The following TNIK variants were observed in gnomAD, a reference collection of about 807,000 sequenced individuals.
TNIK encodes TRAF2 and NCK-interacting protein kinase.
A neutral mutation model predicts 191.3 loss-of-function variants in TNIK; 49 were observed. That is an observed-to-expected ratio of 0.26 (90% CI 0.20 to 0.32). The LOEUF is 0.32. TNIK is among the 10% of genes least tolerant of loss of function. The pLI, the probability that TNIK is intolerant of heterozygous loss-of-function variation, is 1.00. For synonymous variants in TNIK, 594 were observed against 600.9 expected (o/e 0.99, Z 0.17); for missense variants, 1,155 against 1,702.3 (o/e 0.68, Z 5.66).
At chr3:171,190,550 A>T (rs567843607) in intron 6 of TNIK, 147 bp downstream of exon 6, 96 of 605,066 alleles carry the variant, frequency 1.6e-4, no homozygotes, top group African/African-American at 1.5e-3. Context: ...AATATTTTTT[A>T]AAATAGGCAA....
intron 1 of TNIK, among the ~76,000 whole-genome samples, chr3:171,403,787 T>C (rs909502406): frequency 6.6e-6 from 1 of 152,196 alleles, no homozygotes; most frequent in African/African-American, 2.4e-5. Context: ...AAGTACACTT[T>C]CTATGTTGTT....
intron 2 of TNIK, among the ~76,000 whole-genome samples, chr3:171,271,922 C>G (rs562690603): frequency 6.6e-6 from 1 of 152,128 alleles, no homozygotes; most frequent in African/African-American, 2.4e-5. Flanking sequence ...TGCCTGAACC[C>G]CTTAAAGAAT....
At chr3:171,077,721 G>A (rs1233266159) in intron 28 of TNIK, among the ~76,000 whole-genome samples, 2 of 151,956 alleles carry the variant, frequency 1.3e-5, no homozygotes, top group Admixed American at 1.3e-4. Flanking sequence ...TGAAAATCTT[G>A]AGACTTTTCA....
At chr3:171,101,692 T>C in intron 21 of TNIK, 59 bp from the exon 22 acceptor site, 1 of 1,540,134 alleles carries the variant, frequency 6.5e-7, no homozygotes, top group Middle Eastern at 2.0e-4. Flanking sequence ...GCTACATCTC[T>C]CAGCAAGTCA....
chr3:171,186,464 A>G (rs1737380314), intron 7 of TNIK, among the ~76,000 whole-genome samples: 1 of 152,234 alleles, frequency 6.6e-6, no homozygotes, highest in Non-Finnish European at 1.5e-5. Flanking sequence ...AAATAATTCA[A>G]TATTATAAAG....
intron 2 of TNIK, among the ~76,000 whole-genome samples, chr3:171,279,365 A>G (rs1750163340): frequency 6.6e-6 from 1 of 152,194 alleles, no homozygotes; most frequent in African/African-American, 2.4e-5. Context: ...TCTTCATTTA[A>G]CATCCTTGTA....
intron 2 of TNIK, among the ~76,000 whole-genome samples, chr3:171,271,254 G>A (rs1034401616): frequency 2.0e-5 from 3 of 152,114 alleles, no homozygotes; most frequent in African/African-American, 7.2e-5. Flanking sequence ...TTGCACTTCT[G>A]CATTATTCTT....
intron 1 of TNIK, among the ~76,000 whole-genome samples, chr3:171,409,175 A>G (rs1003463634): frequency 2.0e-5 from 3 of 152,232 alleles, no homozygotes; most frequent in African/African-American, 7.2e-5. Flanking sequence ...GACAAATATT[A>G]GCAACAAGCA....
At chr3:171,283,467 C>A (rs186517534) in intron 2 of TNIK, among the ~76,000 whole-genome samples, 1 of 152,290 alleles carries the variant, frequency 6.6e-6, no homozygotes, top group Admixed American at 6.5e-5. Context: ...GGTGCTAAAG[C>A]TTCCAAATAA....
At chr3:171,191,187 T>G (rs1350286021) in intron 5 of TNIK, among the ~76,000 whole-genome samples, 1 of 152,240 alleles carries the variant, frequency 6.6e-6, no homozygotes, top group African/African-American at 2.4e-5. Context: ...CTGATTTAAC[T>G]GAATCCCTGC....
chr3:171,185,142 T>A (rs530358888), intron 7 of TNIK, among the ~76,000 whole-genome samples: 1 of 151,780 alleles, frequency 6.6e-6, no homozygotes, highest in Non-Finnish European at 1.5e-5. Context: ...CAAAAGTAAA[T>A]ACTATTAAGT....
At chr3:171,227,451 T>C (rs1228854995) in intron 3 of TNIK, among the ~76,000 whole-genome samples, 1 of 152,162 alleles carries the variant, frequency 6.6e-6, no homozygotes, top group Non-Finnish European at 1.5e-5. Flanking sequence ...GGAAAACAGT[T>C]AAGACTCATT....
intron 3 of TNIK, among the ~76,000 whole-genome samples, chr3:171,224,071 T>A (rs565225780): frequency 1.3e-5 from 2 of 152,188 alleles, no homozygotes; most frequent in Non-Finnish European, 2.9e-5. Flanking sequence ...ACCACTGATA[T>A]TCAGACTGGC....
At chr3:171,295,620 G>C (rs1752205696) in intron 2 of TNIK, among the ~76,000 whole-genome samples, 1 of 152,206 alleles carries the variant, frequency 6.6e-6, no homozygotes, top group Admixed American at 6.5e-5. Context: ...TGAAAAAGTA[G>C]CCAGTGTTCA....
intron 7 of TNIK, among the ~76,000 whole-genome samples, chr3:171,186,013 CCAAA>C (rs1372942738): frequency 6.6e-6 from 1 of 152,194 alleles, no homozygotes; most frequent in Non-Finnish European, 1.5e-5. Flanking sequence ...AAGTGGACCA[CCAAA>C]CACACAGTGA....
intron 3 of TNIK, among the ~76,000 whole-genome samples, chr3:171,224,477 AC>A (rs917961980): frequency 6.6e-6 from 1 of 152,046 alleles, no homozygotes; most frequent in African/African-American, 2.4e-5. Context: ...CAAAAAAAAA[AC>A]CCCACAAAAA....
intron 1 of TNIK, among the ~76,000 whole-genome samples, chr3:171,443,114 A>G (rs1008158554): frequency 6.6e-6 from 1 of 152,206 alleles, no homozygotes; most frequent in Admixed American, 6.5e-5. Context: ...GTACTCTCTA[A>G]CTGGTGCTGG....
At chr3:171,086,395 T>C (rs1445359639) in intron 24 of TNIK, among the ~76,000 whole-genome samples, 1 of 152,180 alleles carries the variant, frequency 6.6e-6, no homozygotes, top group Non-Finnish European at 1.5e-5. Flanking sequence ...GCACTAACAT[T>C]TCCACATAGA....
intron 12 of TNIK, among the ~76,000 whole-genome samples, chr3:171,141,075 TTAAG>T (rs1285862640): frequency 1.3e-5 from 2 of 152,226 alleles, no homozygotes; most frequent in African/African-American, 2.4e-5. Context: ...GTATTCATTA[TTAAG>T]TGTCAATTTC....
Sources: allele counts gnomAD v4.1 joint callset (sites outside exome capture counted in the v4.1 genomes callset), GRCh38; gene constraint gnomAD v4.1.1; transcripts MANE v1.5; gene names NCBI Gene and HGNC (gene_info 2026-07-23, HGNC 2026-07-21).